NLGN1: variants seen among roughly 807,000 people sequenced by gnomAD.
NLGN1 encodes the protein neuroligin 1.
Under a neutral mutation model 65.5 loss-of-function variants are expected in NLGN1, and 12 were observed. The observed-to-expected ratio is 0.18, with a 90% CI of 0.12 to 0.30. The LOEUF (loss-of-function observed/expected upper bound fraction) is 0.30, where lower values mean the gene tolerates loss of function less well. Among genes scored for constraint, NLGN1 ranks in the 10% least tolerant of loss-of-function variants. The pLI is 1.00. For synonymous variants in NLGN1, 350 were observed against 359.5 expected, an observed-to-expected ratio of 0.97 and a Z score of 0.30; for missense variants, 750 against 1,007.1, an observed-to-expected ratio of 0.74 and a Z score of 3.46.
rs556003417 is a variant in NLGN1 at position 173,477,698 on chromosome 3, G to A, written c.-321+42620G>A. Among the ~76,000 whole-genome samples the A allele has an allele frequency of 8.6e-5, 13 of 151,382 alleles. No individual in the cohort carries two copies. The East Asian group carries it at 2.5e-3, about 29-fold the overall frequency. ...AGCATGGAAGCTAGAGGCAGATTAA[G>A]AAGTTCATCATGCATTTCTCTAATG... is the stretch of plus-strand genomic sequence containing the variant. On this transcript the variant is annotated intron_variant, in intron 2 of 6. Coordinates refer to ENST00000457714, the Ensembl canonical transcript of NLGN1.
chr3:173,748,408 C>T (rs1279320032), intron 3 of NLGN1, among the ~76,000 whole-genome samples: 1 of 152,100 alleles, frequency 6.6e-6, no homozygotes, highest in Non-Finnish European at 1.5e-5. Flanking sequence ...CTTCTGATGA[C>T]AGCTTCTGGG....
chr3:173,838,108 C>T (rs939539149), intron 4 of NLGN1, among the ~76,000 whole-genome samples: 1 of 151,692 alleles, frequency 6.6e-6, no homozygotes, highest in Non-Finnish European at 1.5e-5. Flanking sequence ...TTTTGATTCC[C>T]AGCTCAAGGT....
intron 4 of NLGN1, among the ~76,000 whole-genome samples, chr3:173,835,926 A>G (rs938287711): frequency 2.6e-5 from 4 of 152,156 alleles, no homozygotes; most frequent in African/African-American, 9.7e-5. Flanking sequence ...TACAATTCCT[A>G]TTTCCCTTGA....
chr3:173,406,668 C>T (rs746948827), intron 1 of NLGN1, among the ~76,000 whole-genome samples: 3 of 151,376 alleles, frequency 2.0e-5, no homozygotes, highest in Non-Finnish European at 4.4e-5. Flanking sequence ...ACATCTTGAC[C>T]GTTCTTACCG....
chr3:174,253,801 AG>A (rs1172078099), intron 4 of NLGN1, among the ~76,000 whole-genome samples: 1 of 152,152 alleles, frequency 6.6e-6, no homozygotes, highest in Non-Finnish European at 1.5e-5. Context: ...TCTGAGCTGA[AG>A]ATCCATATTA....
At chr3:173,854,395 A>C (rs571771923) in intron 4 of NLGN1, among the ~76,000 whole-genome samples, 26 of 152,118 alleles carry the variant, frequency 1.7e-4, no homozygotes, top group African/African-American at 6.0e-4. Flanking sequence ...ATTTCCTTTG[A>C]AGCCTATATA....
intron 3 of NLGN1, among the ~76,000 whole-genome samples, chr3:173,804,703 A>G (rs1176189030): frequency 2.0e-5 from 3 of 151,224 alleles, no homozygotes; most frequent in Non-Finnish European, 4.4e-5. Flanking sequence ...AGTTAAGCCT[A>G]AGATAGAAAT....
chr3:173,558,167 A>G (rs547697106), intron 2 of NLGN1, among the ~76,000 whole-genome samples: 1 of 152,076 alleles, frequency 6.6e-6, no homozygotes, highest in East Asian at 1.9e-4. Context: ...ATTATTTCTG[A>G]TAGAATATCA....
chr3:174,140,892 AATT>A (rs1722161403), intron 4 of NLGN1, among the ~76,000 whole-genome samples: 2 of 152,264 alleles, frequency 1.3e-5, no homozygotes, highest in South Asian at 4.1e-4. Flanking sequence ...GATTGGGAAA[AATT>A]ATATTAGTTA....
At chr3:173,955,063 G>A (rs1711649577) in intron 4 of NLGN1, among the ~76,000 whole-genome samples, 1 of 152,066 alleles carries the variant, frequency 6.6e-6, no homozygotes. Flanking sequence ...AGCTGCCACA[G>A]ACAAAACATT....
intron 4 of NLGN1, among the ~76,000 whole-genome samples, chr3:174,134,123 C>T (rs948447282): frequency 5.3e-5 from 8 of 151,880 alleles, no homozygotes; most frequent in South Asian, 2.1e-4. Flanking sequence ...ACCCACAAAA[C>T]GAAAAGAAAC....
chr3:173,451,989 C>G (rs1254352110), intron 2 of NLGN1, among the ~76,000 whole-genome samples: 1 of 152,218 alleles, frequency 6.6e-6, no homozygotes. Context: ...AGGGAATTCC[C>G]TGACCCCTTG....
At chr3:174,167,050 C>A (rs1727628221) in intron 4 of NLGN1, among the ~76,000 whole-genome samples, 1 of 151,948 alleles carries the variant, frequency 6.6e-6, no homozygotes, top group Non-Finnish European at 1.5e-5. Context: ...TTTCTCCAAC[C>A]CTTTACATTG....
At chr3:174,090,486 A>G (rs1362628396) in intron 4 of NLGN1, among the ~76,000 whole-genome samples, 2 of 152,136 alleles carry the variant, frequency 1.3e-5, no homozygotes, top group Non-Finnish European at 2.9e-5. Flanking sequence ...AAAAGAAAAA[A>G]GAAAAAGAGA....
chr3:173,496,343 A>AT (rs1301288315), intron 2 of NLGN1, among the ~76,000 whole-genome samples: 16 of 151,918 alleles, frequency 1.1e-4, no homozygotes, highest in African/African-American at 3.9e-4. Context: ...TGAAGGTTAG[A>AT]TTACTAAATA....
At chr3:174,013,944 G>A (rs1483474909) in intron 4 of NLGN1, among the ~76,000 whole-genome samples, 2 of 151,812 alleles carry the variant, frequency 1.3e-5, no homozygotes, top group African/African-American at 4.8e-5. Flanking sequence ...TGAACTCCTG[G>A]GCTCAAGTGG....
chr3:173,824,716 A>T (rs1176020535), intron 4 of NLGN1, among the ~76,000 whole-genome samples: 3 of 152,114 alleles, frequency 2.0e-5, no homozygotes, highest in Non-Finnish European at 2.9e-5. Context: ...TCCAACACTC[A>T]TATGATCGTG....
intron 4 of NLGN1, among the ~76,000 whole-genome samples, chr3:174,067,454 A>G (rs999345016): frequency 4.6e-5 from 7 of 152,226 alleles, no homozygotes; most frequent in Non-Finnish European, 2.9e-5. Context: ...AGGTATTTAC[A>G]GTGGCATTTG....
intron 1 of NLGN1, among the ~76,000 whole-genome samples, chr3:173,410,916 A>G (rs1235520709): frequency 6.6e-6 from 1 of 152,216 alleles, no homozygotes; most frequent in African/African-American, 2.4e-5. Context: ...ACATAATCCC[A>G]CACTTTCAAG....
Sources: allele counts gnomAD v4.1 joint callset (sites outside exome capture counted in the v4.1 genomes callset), GRCh38; gene constraint gnomAD v4.1.1; transcripts MANE v1.5; gene names NCBI Gene and HGNC (gene_info 2026-07-23, HGNC 2026-07-21).